The following MIF4GD variants were observed in gnomAD, a reference collection of about 807,000 sequenced individuals.
The protein encoded by MIF4GD is MIF4G domain containing.
MIF4GD carries 22 observed loss-of-function variants against 26.7 expected under a neutral mutation model. That is an observed-to-expected ratio of 0.82 (90% confidence interval 0.59 to 1.18). MIF4GD has a LOEUF of 1.18. Ranked by LOEUF, MIF4GD falls within the 50% of genes most tolerant of loss-of-function variation. The pLI, the probability that MIF4GD is intolerant of heterozygous loss-of-function variation, is 0.00. For missense variants in MIF4GD, 262 were observed against 279.6 expected (o/e 0.94, Z 0.45); for synonymous variants, 137 against 111.6 (o/e 1.23, Z -1.43).
intron 2 of MIF4GD, among the ~76,000 whole-genome samples, chr17:75,268,946 G>C (rs2077608962): frequency 6.6e-6 from 1 of 152,094 alleles, no homozygotes; most frequent in African/African-American, 2.4e-5. Context: ...GGAGGTTGCA[G>C]TGAGCCAAGA....
chr17:75,268,539 G>C (rs1047594692), intron 2 of MIF4GD, among the ~76,000 whole-genome samples: 1 of 151,558 alleles, frequency 6.6e-6, no homozygotes, highest in African/African-American at 2.4e-5. Flanking sequence ...TGGCTCGTGC[G>C]TCATCTCATG....
intron 3 of MIF4GD, 76 bp from the exon 4 acceptor site, chr17:75,267,977 C>G (rs2077564839): frequency 1.2e-6 from 2 of 1,600,516 alleles, no homozygotes; most frequent in Non-Finnish European, 1.7e-6. Flanking sequence ...GCCTCTCTCT[C>G]TCTTTGAGCT....
rs2077718763 is a variant in MIF4GD, at chr17:75,271,046, G to A, written c.-51+98C>T. On this transcript the variant is annotated intron_variant, in intron 1 of 5. Transcript: ENST00000325102. The surrounding 1 kb of genome is among the most constrained non-coding windows in gnomAD (Gnocchi z 4.2). ...TCTCCAGCCCTCGGCCGTTCCCCCC[G>A]CGCCCGGAACGCCCCTCCCGGAGGC... 6.6e-6 allele frequency: 1 copy of A among 151,818 alleles called. No individual in the cohort carries two copies. The highest frequency in any genetic ancestry group is 2.4e-5 in the African/African-American group (1 of 41,396). The allele number at this position is 151,818 out of a possible 1,614,324, so 9.4% of individuals were successfully genotyped here.
rs1272786216 is a variant in MIF4GD, at chr17:75,267,105, C to T, written c.442-138G>A. 7 of 717,424 alleles carry T rather than the reference C, an allele frequency of 9.8e-6. No individual in the cohort carries two copies. In the East Asian group the frequency reaches 1.1e-4, roughly 11 times the overall value. 44.4% of individuals were successfully genotyped at this position (717,424 alleles called of 1,614,324 possible). A position where few individuals can be genotyped will look rare whatever the true frequency, so the allele number is the denominator to read the frequency against. ...CCTCCTTACCATCCAGTGGGTACTT[C>T]CACATCTTACACAGAAAGAAATGAG... On this transcript the variant is annotated intron_variant, in intron 5 of 5. Coordinates refer to ENST00000325102, the MANE Select transcript of MIF4GD (RefSeq NM_001370592.1).
rs780809390 is a variant in MIF4GD at position 75,267,736 on chromosome 17, G to C, written c.348+10C>G. The stretch of plus-strand genomic sequence containing the variant: ...ATGTCTGCCTCCCAGGGTGGCTGCC[G>C]GGGCCTCACCCTCAGGTAGTCAAAG... On this transcript the variant is annotated intron_variant, in intron 4 of 5. Transcript: ENST00000325102. 3 of 1,611,956 alleles carry C rather than the reference G, an allele frequency of 1.9e-6. No individual in the cohort carries two copies. The highest frequency in any genetic ancestry group is 4.5e-5 in the East Asian group (2 of 44,852).
Position 75,267,635 on chromosome 17 carries a change from G to C in MIF4GD, c.349-5C>G, listed in dbSNP as rs2077544651. The C allele has an allele frequency of 2.5e-6, 4 of 1,614,212 alleles. No homozygotes were observed. The highest frequency in any genetic ancestry group is 1.1e-5 in the South Asian group (1 of 91,086). On this transcript the variant is annotated splice_polypyrimidine_tract_variant and splice_region_variant and intron_variant, in intron 4 of 5. Coordinates refer to ENST00000325102, the MANE Select transcript of MIF4GD (RefSeq NM_001370592.1). ...CATCATGGGCATGTTGTTCACCTGT[G>C]AGGAAGAGGAGGGGTCAGAGCACCA...
At chr17:75,267,309 T>C (rs1052701848) in intron 5 of MIF4GD, 7 of 605,800 alleles carry the variant, frequency 1.2e-5, no homozygotes, top group Non-Finnish European at 2.0e-5. Flanking sequence ...GTTGGCTTTC[T>C]GACTGAGAAG....
chr17:75,268,064 T>A lies in MIF4GD; in HGVS notation c.192+19A>T. On this transcript the variant is annotated intron_variant, in intron 3 of 5. Transcript: ENST00000325102. The stretch of plus-strand genomic sequence containing the variant: ...GCACCTTCCTCAAAGCAGCTTCCTT[T>A]CCTCTCCCAACCCCCAACCTGAATG... The A allele has an allele frequency of 1.2e-6, 2 of 1,613,326 alleles. No individual in the cohort carries two copies. The highest frequency in any genetic ancestry group is 1.7e-6 in the Non-Finnish European group (2 of 1,179,264).
rs1477347892 is a variant in MIF4GD at position 75,270,255 on chromosome 17, A to C, written c.-50-10T>G. 6.8e-7 allele frequency: 1 copy of C among 1,464,960 alleles called. No individual in the cohort carries two copies. The highest frequency in any genetic ancestry group is 2.3e-5 in the East Asian group (1 of 44,068). 90.7% of individuals were successfully genotyped at this position (1,464,960 alleles called of 1,614,324 possible). On this transcript the variant is annotated splice_polypyrimidine_tract_variant and intron_variant, in intron 1 of 5. Coordinates refer to ENST00000325102, the MANE Select transcript of MIF4GD (RefSeq NM_001370592.1). The surrounding 1 kb of genome is among the most constrained non-coding windows in gnomAD (Gnocchi z 5.7). Reference sequence around the variant, plus strand: ...GGAATAAGGACAGCACCTGAGGAGAAGAGGCGAAGGGAGCGGCCTCAGGTG... The same window carrying C: ...GGAATAAGGACAGCACCTGAGGAGACGAGGCGAAGGGAGCGGCCTCAGGTG...
Position 75,268,101 on chromosome 17 carries a change from C to T in MIF4GD, c.174G>A (p.Met58Ile). Residue 58 changes from methionine to isoleucine, a missense_variant, in exon 3 of 6, where the codon ATG becomes ATA. Physicochemically the swap from Met to Ile is conservative, Grantham distance 10. Coordinates refer to ENST00000325102, the MANE Select transcript of MIF4GD (RefSeq NM_001370592.1). ...CCCCAACCTGAATGATGGCGTAGCA[C>T]ATGCGTCCTGCTTCCTTGCTGAACA... ...DCVFSKEAGR[M>I]CYAIIQAESK... 1.2e-6 allele frequency: 2 copies of T among 1,614,238 alleles called. No homozygotes were observed. The highest frequency in any genetic ancestry group is 1.7e-6 in the Non-Finnish European group (2 of 1,180,012).
Position 75,270,298 on chromosome 17 carries a change from T to C in MIF4GD, c.-50-53A>G. ...CTCAGGTGTGGAGCGCAGGGCGGGTTCCGTCCTGCAGGCCCTGGACGGGGC... is the reference window on the plus strand; with the variant it reads ...CTCAGGTGTGGAGCGCAGGGCGGGTCCCGTCCTGCAGGCCCTGGACGGGGC... On this transcript the variant is annotated intron_variant, in intron 1 of 5. Transcript: ENST00000325102. The surrounding 1 kb of genome is among the most constrained non-coding windows in gnomAD (Gnocchi z 5.7). The C allele has an allele frequency of 1.9e-6, 2 of 1,044,326 alleles. No homozygotes were observed. The highest frequency in any genetic ancestry group is 3.0e-6 in the Non-Finnish European group (2 of 675,384). 64.7% of individuals were successfully genotyped at this position (1,044,326 alleles called of 1,614,324 possible).
intron 2 of MIF4GD, chr17:75,269,426 A>G: frequency 2.5e-6 from 4 of 1,613,714 alleles, no homozygotes; most frequent in Middle Eastern, 3.3e-4. Context: ...AATATTCTCC[A>G]TCTTCTGTCT....
chr17:75,266,888 AAG>A lies in MIF4GD; in HGVS notation c.519_520del (p.Phe174CysfsTer26), dbSNP rs2077504584. ...CAGGAAGCCATCCCGGATCAGCACA[AAG>A]AGCTCATCCATGCGCTGCCCATTCA... On this transcript the variant is annotated frameshift_variant, in exon 6 of 6. Coordinates refer to ENST00000325102, the MANE Select transcript of MIF4GD (RefSeq NM_001370592.1). LOFTEE classifies it high-confidence loss of function. 6.2e-7 allele frequency: 1 copy of A among 1,614,032 alleles called. No homozygotes were observed.
rs534337049 is a variant in MIF4GD, at chr17:75,266,313, G to A, written c.*427C>T. The stretch of plus-strand genomic sequence containing the variant: ...GCAGCATTCAGTGAAACTGGCTGGA[G>A]GAAATAGGCTTGTTTCCAGAGTTGT... On this transcript the variant is annotated 3_prime_UTR_variant, in exon 6 of 6. Transcript: ENST00000325102. The A allele has an allele frequency of 5.4e-5, 19 of 353,084 alleles. No individual in the cohort carries two copies. Among genetic ancestry groups the A allele is most frequent in the Admixed American group, 4.4e-4 (10 of 22,922 alleles). 21.9% of individuals were successfully genotyped at this position (353,084 alleles called of 1,614,324 possible).
Position 75,266,726 on chromosome 17 carries a change from C to G in MIF4GD, c.*14G>C, listed in dbSNP as rs746614263. ...GAAAGGCCAGTGCTGGTGAGGAAGC[C>G]CTGATCTGGAGGCCTAGTCGGAGAC... On this transcript the variant is annotated 3_prime_UTR_variant, in exon 6 of 6. Transcript: ENST00000325102. 1 of 1,612,548 alleles carries G rather than the reference C, an allele frequency of 6.2e-7. No homozygotes were observed. The highest frequency in any genetic ancestry group is 8.5e-7 in the Non-Finnish European group (1 of 1,178,558).
rs2077697225 is a variant in MIF4GD at position 75,270,560 on chromosome 17, A to G, written c.-50-315T>C. The G allele has an allele frequency of 4.2e-6, 1 of 239,538 alleles. No homozygotes were observed. The highest frequency in any genetic ancestry group is 5.0e-5 in the South Asian group (1 of 19,958). The allele number at this position is 239,538 out of a possible 1,614,324, so 14.8% of individuals were successfully genotyped here. On this transcript the variant is annotated intron_variant, in intron 1 of 5. Transcript: ENST00000325102. This position sits in a 1 kb window ranked among gnomAD's most constrained non-coding sequence, Gnocchi z 5.7. ...ACTGGGGCAGGGTGTGTGCGGGCGG[A>G]CGTTACAGTTGCTTAAATAAACCGG...
intron 5 of MIF4GD, 52 bp from the exon 6 acceptor site, chr17:75,267,019 T>C: frequency 6.6e-7 from 1 of 1,514,982 alleles, no homozygotes; most frequent in Non-Finnish European, 9.0e-7. Context: ...TGCCAGCCTC[T>C]CACACAGCAT....
intron 2 of MIF4GD, among the ~76,000 whole-genome samples, chr17:75,269,039 A>G (rs1415141001): frequency 6.6e-6 from 1 of 152,084 alleles, no homozygotes; most frequent in African/African-American, 2.4e-5. Context: ...TACAGAGGAC[A>G]GTAACCATAC....
At chr17:75,268,251 C>T (rs866257113) in intron 2 of MIF4GD, 59 bp from the exon 3 acceptor site, 67 of 1,314,606 alleles carry the variant, frequency 5.1e-5, no homozygotes, top group Middle Eastern at 3.6e-4. Flanking sequence ...TTGTGTCCAC[C>T]CGCTTCTAAG....
Sources: gnomAD v4.1 joint callset for allele counts (sites outside exome capture counted in the v4.1 genomes callset) on GRCh38, gnomAD v4.1.1 for gene constraint, Gnocchi (gnomAD v3.1) non-coding constraint, MANE v1.5 for transcripts, NCBI Gene and HGNC (gene_info 2026-07-23, HGNC 2026-07-21) for gene names.